GALNT18: variants seen among roughly 807,000 people sequenced by gnomAD.
GALNT18 encodes polypeptide N-acetylgalactosaminyltransferase 18, also known as GalNAc-transferase 18.
Under a neutral mutation model 69.5 loss-of-function variants are expected in GALNT18, and 44 were observed. That is an observed-to-expected ratio of 0.63 (90% CI 0.50 to 0.81). The LOEUF is 0.81. Among genes scored for constraint, GALNT18 ranks in the 40% least tolerant of loss-of-function variants. The probability of loss-of-function intolerance (pLI) is 0.00; values close to 1 mark genes in which losing one functional copy is unlikely to be tolerated. For missense variants in GALNT18, 715 were observed against 810.0 expected (o/e 0.88, Z 1.42); for synonymous variants, 364 against 318.2 (o/e 1.14, Z -1.53).
At chr11:11,550,741 A>G (rs990973266) in intron 1 of GALNT18, among the ~76,000 whole-genome samples, 2 of 152,222 alleles carry the variant, frequency 1.3e-5, no homozygotes, top group African/African-American at 4.8e-5. Context: ...GGTGGTAGCC[A>G]CCCAGCCATA....
chr11:11,279,604 A>T (rs192196112), intron 10 of GALNT18, among the ~76,000 whole-genome samples: 6 of 152,130 alleles, frequency 3.9e-5, no homozygotes, highest in Non-Finnish European at 8.8e-5. Flanking sequence ...ATACTCGATA[A>T]ATCTCACCAA....
At position 11,461,563 on chromosome 11, in the gene GALNT18, C is replaced by A. The variant is rs373505479; in HGVS notation, c.236-12627G>T. Among the ~76,000 whole-genome samples the A allele has an allele frequency of 3.3e-5, 5 of 152,190 alleles. No homozygotes were observed. The highest frequency in any genetic ancestry group is 1.3e-4 in the Admixed American group (2 of 15,288). Reference sequence around the variant, plus strand: ...CTGAAGCACATACCGTTATCCCCCCCGCTCCCGCCCGCCACCGAGCTGACA... The same window carrying A: ...CTGAAGCACATACCGTTATCCCCCCAGCTCCCGCCCGCCACCGAGCTGACA... On this transcript the variant is annotated intron_variant, in intron 1 of 10. Transcript: ENST00000227756. The surrounding 1 kb of genome is among the most constrained non-coding windows in gnomAD (Gnocchi z 4.1).
intron 3 of GALNT18, among the ~76,000 whole-genome samples, chr11:11,428,284 C>T (rs1354573322): frequency 1.3e-5 from 2 of 152,266 alleles, no homozygotes; most frequent in Non-Finnish European, 2.9e-5. Context: ...CCACGTCCTC[C>T]AGGAGCTCAC....
intron 1 of GALNT18, among the ~76,000 whole-genome samples, chr11:11,510,579 T>G (rs897746963): frequency 6.6e-6 from 1 of 152,178 alleles, no homozygotes. Context: ...GGTGGTATAG[T>G]GGTGAGCATA....
intron 2 of GALNT18, among the ~76,000 whole-genome samples, chr11:11,447,147 AC>A (rs1855674550): frequency 6.6e-6 from 1 of 152,048 alleles, no homozygotes. Context: ...CTCAAACATG[AC>A]GTGCCATGCG....
intron 1 of GALNT18, among the ~76,000 whole-genome samples, chr11:11,534,486 G>A (rs778130933): frequency 3.3e-5 from 5 of 152,206 alleles, no homozygotes; most frequent in Non-Finnish European, 7.3e-5. Context: ...TGCTGCTGAT[G>A]CAAAAGTGAA....
At chr11:11,369,869 T>C (rs963803212) in intron 6 of GALNT18, among the ~76,000 whole-genome samples, 2 of 152,160 alleles carry the variant, frequency 1.3e-5, no homozygotes, top group Non-Finnish European at 2.9e-5. Flanking sequence ...GTAGACATAA[T>C]TGTGAATAAA....
rs1854531410 is a variant in GALNT18 at position 11,404,086 on chromosome 11, C to T, written c.596-24822G>A. Among the ~76,000 whole-genome samples the T allele has an allele frequency of 6.6e-6, 1 of 152,214 alleles. No homozygotes were observed. Among genetic ancestry groups the T allele is most frequent in the Non-Finnish European group, 1.5e-5 (1 of 68,036 alleles). The stretch of plus-strand genomic sequence containing the variant: ...ATACCAGGCAAATGATGAGCGAATG[C>T]CCCGCCACTTGCTGGCAGCAGGAGG... On this transcript the variant is annotated intron_variant, in intron 3 of 10. Coordinates refer to ENST00000227756, the MANE Select transcript of GALNT18 (RefSeq NM_198516.3). This position sits in a 1 kb window ranked among gnomAD's most constrained non-coding sequence, Gnocchi z 4.5.
At chr11:11,381,427 G>GAGACTCCTGCCAGT (rs1853916893) in intron 3 of GALNT18, among the ~76,000 whole-genome samples, 1 of 152,118 alleles carries the variant, frequency 6.6e-6, no homozygotes, top group Non-Finnish European at 1.5e-5. Flanking sequence ...ACCCTCAGGT[G>GAGACTCCTGCCAGT]AGACTCCTGC....
intron 1 of GALNT18, among the ~76,000 whole-genome samples, chr11:11,517,982 A>C (rs1857318652): frequency 6.6e-6 from 1 of 152,256 alleles, no homozygotes; most frequent in Non-Finnish European, 1.5e-5. Context: ...GGCTTTCTCT[A>C]TGCGCCAGTG....
intron 3 of GALNT18, among the ~76,000 whole-genome samples, chr11:11,428,827 G>A (rs1438533552): frequency 6.6e-6 from 1 of 151,518 alleles, no homozygotes; most frequent in Non-Finnish European, 1.5e-5. Flanking sequence ...ATAGAAAATA[G>A]CAGAGTGCTT....
chr11:11,398,820 T>C (rs1854392505), intron 3 of GALNT18, among the ~76,000 whole-genome samples: 1 of 152,174 alleles, frequency 6.6e-6, no homozygotes, highest in Non-Finnish European at 1.5e-5. Flanking sequence ...CAAGATTTCT[T>C]AAGAGTGGAA....
Position 11,590,727 on chromosome 11 carries a change from C to A in GALNT18, c.235+30632G>T, listed in dbSNP as rs1338740895. On this transcript the variant is annotated intron_variant, in intron 1 of 10. Coordinates refer to ENST00000227756, the MANE Select transcript of GALNT18 (RefSeq NM_198516.3). The surrounding 1 kb of genome is among the most constrained non-coding windows in gnomAD (Gnocchi z 4.4). ...ATACAATGGTGGTCCCGTAAGATTACAATGGAGCCCAAAAATTCCTATTGC... is the reference window on the plus strand; with the variant it reads ...ATACAATGGTGGTCCCGTAAGATTAAAATGGAGCCCAAAAATTCCTATTGC... 6.6e-6 allele frequency among the ~76,000 whole-genome samples: 1 copy of A among 152,148 alleles called. No homozygotes were observed. The highest frequency in any genetic ancestry group is 2.4e-5 in the African/African-American group (1 of 41,438).
Position 11,463,241 on chromosome 11 carries a change from G to A in GALNT18, c.236-14305C>T, listed in dbSNP as rs974364399. Among the ~76,000 whole-genome samples the A allele has an allele frequency of 1.3e-4, 20 of 151,940 alleles. No homozygotes were observed. The highest frequency in any genetic ancestry group is 4.8e-4 in the African/African-American group (20 of 41,306). On this transcript the variant is annotated intron_variant, in intron 1 of 10. Coordinates refer to ENST00000227756, the MANE Select transcript of GALNT18 (RefSeq NM_198516.3). The surrounding 1 kb of genome is among the most constrained non-coding windows in gnomAD (Gnocchi z 4.2). ...ACACACACACAGAGAGAGAGAGAGA[G>A]AGTTCCAGAAGCCCGCAGCAGCCTA...
At chr11:11,357,070 G>T (rs1308491036) in intron 6 of GALNT18, among the ~76,000 whole-genome samples, 5 of 152,118 alleles carry the variant, frequency 3.3e-5, no homozygotes, top group South Asian at 4.2e-4. Flanking sequence ...CAGACCAATT[G>T]GTTCTAGACT....
intron 1 of GALNT18, among the ~76,000 whole-genome samples, chr11:11,551,417 C>A (rs1393048672): frequency 6.6e-6 from 1 of 152,156 alleles, no homozygotes; most frequent in Non-Finnish European, 1.5e-5. Context: ...ACCATTAGAA[C>A]CTCTAGTGCT....
rs1857873591 is a variant in GALNT18 at position 11,540,008 on chromosome 11, A to T, written c.235+81351T>A. Among the ~76,000 whole-genome samples, 1 of 152,172 alleles carries T rather than the reference A, an allele frequency of 6.6e-6. No individual in the cohort carries two copies. The highest frequency in any genetic ancestry group is 2.1e-4 in the South Asian group (1 of 4,820). On this transcript the variant is annotated intron_variant, in intron 1 of 10. Coordinates refer to ENST00000227756, the MANE Select transcript of GALNT18 (RefSeq NM_198516.3). The surrounding 1 kb of genome is among the most constrained non-coding windows in gnomAD (Gnocchi z 4.6). ...ACCAATGGGAAATGAGGGGAGACGG[A>T]GCTGCACAGGGGACCCCGATGCCAG...
chr11:11,431,574 T>C (rs1330001703), intron 3 of GALNT18, among the ~76,000 whole-genome samples: 3 of 152,202 alleles, frequency 2.0e-5, no homozygotes, highest in Non-Finnish European at 2.9e-5. Flanking sequence ...TAAAATCCCC[T>C]TACAGCACTG....
rs1452599863 is a variant in GALNT18 at position 11,347,623 on chromosome 11, A to T, written c.1093-6619T>A. 6.6e-6 allele frequency among the ~76,000 whole-genome samples: 1 copy of T among 152,148 alleles called. No individual in the cohort carries two copies. Among genetic ancestry groups the T allele is most frequent in the Non-Finnish European group, 1.5e-5 (1 of 68,044 alleles). ...AGCTTTCATCTTCTTATGACTTTTA[A>T]TGAGCTCTTTGCTCTTGGCAAACTG... is the stretch of plus-strand genomic sequence containing the variant. On this transcript the variant is annotated intron_variant, in intron 6 of 10. Coordinates refer to ENST00000227756, the MANE Select transcript of GALNT18 (RefSeq NM_198516.3). The surrounding 1 kb of genome is among the most constrained non-coding windows in gnomAD (Gnocchi z 4.0).
Sources: gnomAD v4.1 joint callset for allele counts (sites outside exome capture counted in the v4.1 genomes callset) on GRCh38, gnomAD v4.1.1 for gene constraint, Gnocchi (gnomAD v3.1) non-coding constraint, MANE v1.5 for transcripts, NCBI Gene and HGNC (gene_info 2026-07-23, HGNC 2026-07-21) for gene names.